The following POMT2 variants were observed in gnomAD, a reference collection of about 807,000 sequenced individuals.
The protein encoded by POMT2 is protein O-mannosyltransferase 2, also known as protein O-mannosyl-transferase 2.
Under a neutral mutation model 100.0 loss-of-function variants are expected in POMT2, and 75 were observed. That is an observed-to-expected ratio of 0.75 (90% CI 0.62 to 0.91). The LOEUF (loss-of-function observed/expected upper bound fraction) is 0.91, where lower values mean the gene tolerates loss of function less well. POMT2 is among the 40% of genes least tolerant of loss of function. The probability of loss-of-function intolerance (pLI) is 0.00; values close to 1 mark genes in which losing one functional copy is unlikely to be tolerated. For synonymous variants in POMT2, 378 were observed against 374.1 expected, an observed-to-expected ratio of 1.01 and a Z score of -0.12; for missense variants, 940 against 955.1, an observed-to-expected ratio of 0.98 and a Z score of 0.21.
Position 77,288,788 on chromosome 14 carries a change from TC to T in POMT2, c.1226del (p.Gly409GlufsTer6). ...CTTTGTGTTCTAGTCGAATAATGTC[TC>T]CATGTCTTACAAACTCCACTGGGAA... The part of the protein sequence containing the change: ...PSFPVEFVRH[G>X]DIIRLEHKET... On this transcript the variant is annotated frameshift_variant, in exon 11 of 21. Coordinates refer to ENST00000261534, the MANE Select transcript of POMT2 (RefSeq NM_013382.7). LOFTEE classifies it high-confidence loss of function. The T allele has an allele frequency of 6.2e-7, 1 of 1,613,918 alleles. No individual in the cohort carries two copies. The highest frequency in any genetic ancestry group is 8.5e-7 in the Non-Finnish European group (1 of 1,179,908).
chr14:77,277,392 T>C lies in POMT2; in HGVS notation c.2237A>G (p.Asp746Gly). The change falls in exon 21 of 21, where the codon GAC becomes GGC. Residue 746 changes from aspartate (D) to glycine (G), a missense_variant. Transcript: ENST00000261534. ...GCAGTGGCCTCAAAAGTCCCATGAGTCCAGCCACCTTAGTCCTGCCATTGG... is the reference window on the plus strand; with the variant it reads ...GCAGTGGCCTCAAAAGTCCCATGAGCCCAGCCACCTTAGTCCTGCCATTGG... ...QSPMAGLRWL[D>G]SWDF The C allele has an allele frequency of 6.2e-7, 1 of 1,613,124 alleles. No individual in the cohort carries two copies. The highest frequency in any genetic ancestry group is 8.5e-7 in the Non-Finnish European group (1 of 1,179,122).
In POMT2 at chr14:77,285,489, C is replaced by T; in HGVS notation, c.1476G>A (p.Leu492=). The T allele has an allele frequency of 6.2e-7, 1 of 1,614,076 alleles. No individual in the cohort carries two copies. Among genetic ancestry groups the T allele is most frequent in the Non-Finnish European group, 8.5e-7 (1 of 1,179,980 alleles). The change falls in exon 13 of 21, where the codon CTG becomes CTA. Residue 492 remains leucine, a synonymous_variant. Coordinates refer to ENST00000261534, the MANE Select transcript of POMT2 (RefSeq NM_013382.7). ...AAACCCTAGAGACTTACCACTTGGG[C>T]AGAACCTTTCCCGAGGAGCCCAGGA... ...GCVLGSSGKV[L]PKWGWEQLEV...
intron 2 of POMT2, among the ~76,000 whole-genome samples, chr14:77,309,540 G>A (rs950950186): frequency 6.6e-6 from 1 of 152,110 alleles, no homozygotes; most frequent in Non-Finnish European, 1.5e-5. Context: ...CAACCAGACA[G>A]AACACAGAAC....
rs928303964 is a variant in POMT2, at chr14:77,300,704, C to T, written c.816+386G>A. 6 of 274,828 alleles carry T rather than the reference C, an allele frequency of 2.2e-5. No individual in the cohort carries two copies. In the Admixed American group the frequency reaches 3.1e-4, roughly 14 times the overall value. 17.0% of individuals were successfully genotyped at this position (274,828 alleles called of 1,614,324 possible). On this transcript the variant is annotated intron_variant, in intron 6 of 20. Transcript: ENST00000261534. The stretch of plus-strand genomic sequence containing the variant: ...GCATGGTGGTATGTGCCTGTAATCC[C>T]AGCTACTTGGGAGGCTGAGGCAAAA...
At chr14:77,301,457 C>T (rs922724349) in intron 5 of POMT2, among the ~76,000 whole-genome samples, 6 of 152,120 alleles carry the variant, frequency 3.9e-5, no homozygotes, top group African/African-American at 1.2e-4. Flanking sequence ...TGTCTGAGGG[C>T]GCAGGGTATT....
chr14:77,291,292 C>T (rs372731057), intron 10 of POMT2, 22 bp downstream of exon 10: 1 of 1,607,576 alleles, frequency 6.2e-7, no homozygotes, highest in Non-Finnish European at 8.5e-7. Context: ...GCACAAGAAG[C>T]ATCAGTCTCT....
intron 10 of POMT2, among the ~76,000 whole-genome samples, chr14:77,290,386 T>G (rs1325724767): frequency 2.0e-5 from 3 of 152,168 alleles, no homozygotes; most frequent in Non-Finnish European, 4.4e-5. Context: ...TTTATCCCAC[T>G]AAGGAGCAGG....
intron 9 of POMT2, among the ~76,000 whole-genome samples, chr14:77,293,138 G>A (rs55886156): frequency 6.6e-6 from 1 of 152,130 alleles, no homozygotes; most frequent in African/African-American, 2.4e-5. Flanking sequence ...AAAAGTTTTG[G>A]TGCTCATAAA....
At chr14:77,307,117 T>C (rs1458938475) in intron 2 of POMT2, among the ~76,000 whole-genome samples, 1 of 152,256 alleles carries the variant, frequency 6.6e-6, no homozygotes, top group Non-Finnish European at 1.5e-5. Context: ...CCGTGTCTTT[T>C]GTATATTTCC....
intron 7 of POMT2, 50 bp downstream of exon 7, chr14:77,299,405 G>C: frequency 1.3e-6 from 2 of 1,532,458 alleles, no homozygotes; most frequent in Non-Finnish European, 1.8e-6. Context: ...CACAGGCTTA[G>C]GAGCAAAAGG....
At chr14:77,303,388 C>G (rs1439131851) in intron 4 of POMT2, among the ~76,000 whole-genome samples, 1 of 152,040 alleles carries the variant, frequency 6.6e-6, no homozygotes, top group Non-Finnish European at 1.5e-5. Flanking sequence ...TAATTTAAAT[C>G]CTTAAATCTC....
chr14:77,310,268 C>A (rs942292564), intron 2 of POMT2, among the ~76,000 whole-genome samples: 4 of 152,194 alleles, frequency 2.6e-5, no homozygotes, highest in African/African-American at 4.8e-5. Flanking sequence ...TCTATGCCAG[C>A]CTGACCCTTG....
intron 19 of POMT2, 104 bp from the exon 20 acceptor site, chr14:77,278,612 C>A: frequency 6.7e-7 from 1 of 1,497,520 alleles, no homozygotes; most frequent in Non-Finnish European, 9.2e-7. Flanking sequence ...TCACTCCCAG[C>A]ACTGCTGCCC....
At chr14:77,311,045 A>G (rs1891418436) in intron 2 of POMT2, among the ~76,000 whole-genome samples, 1 of 152,254 alleles carries the variant, frequency 6.6e-6, no homozygotes. Flanking sequence ...AAGCAAGAGA[A>G]TCACTTAAAC....
intron 9 of POMT2, among the ~76,000 whole-genome samples, chr14:77,295,158 C>A (rs1890778542): frequency 6.6e-6 from 1 of 152,190 alleles, no homozygotes. Flanking sequence ...CTGCTTCTCC[C>A]TCTCAGGCAC....
At position 77,275,568 on chromosome 14, in the gene POMT2, A is replaced by C. The variant is rs1298822230; in HGVS notation, c.*1808T>G. Reference sequence around the variant, plus strand: ...CTGCATTCTCCCTGCAGGAGAGCCCACCCGGCTCAGAAGAAAGCAATTCCG... The same window carrying C: ...CTGCATTCTCCCTGCAGGAGAGCCCCCCCGGCTCAGAAGAAAGCAATTCCG... On this transcript the variant is annotated 3_prime_UTR_variant, in exon 21 of 21. Transcript: ENST00000261534. 1 of 152,194 alleles carries C rather than the reference A, an allele frequency of 6.6e-6. No individual in the cohort carries two copies. Among genetic ancestry groups the C allele is most frequent in the Non-Finnish European group, 1.5e-5 (1 of 68,094 alleles). 9.4% of individuals were successfully genotyped at this position (152,194 alleles called of 1,614,324 possible).
intron 2 of POMT2, among the ~76,000 whole-genome samples, chr14:77,308,992 A>G (rs1207906334): frequency 2.0e-5 from 3 of 152,230 alleles, no homozygotes; most frequent in Non-Finnish European, 4.4e-5. Flanking sequence ...AGAATGACAC[A>G]CGGCCATTAA....
At chr14:77,313,968 C>G (rs1382423238) in intron 1 of POMT2, among the ~76,000 whole-genome samples, 3 of 152,204 alleles carry the variant, frequency 2.0e-5, no homozygotes, top group Admixed American at 1.3e-4. Flanking sequence ...CTCAGCCCCC[C>G]AAAGTGCTGG....
At chr14:77,304,502 G>C (rs749051878) in intron 4 of POMT2, among the ~76,000 whole-genome samples, 190 bp downstream of exon 4, 19 of 152,088 alleles carry the variant, frequency 1.2e-4, no homozygotes, top group East Asian at 5.8e-4. Flanking sequence ...TAATATAAAG[G>C]CTTGTTATAT....
Sources: gnomAD v4.1 joint callset for allele counts (sites outside exome capture counted in the v4.1 genomes callset) on GRCh38, gnomAD v4.1.1 for gene constraint, MANE v1.5 for transcripts, NCBI Gene and HGNC (gene_info 2026-07-23, HGNC 2026-07-21) for gene names.